The following EPM2A variants were observed in gnomAD, a reference collection of about 807,000 sequenced individuals.
EPM2A encodes EPM2A glucan phosphatase, laforin.
A neutral mutation model predicts 26.5 loss-of-function variants in EPM2A; 21 were observed. The ratio of observed to expected loss-of-function variants is 0.79; its 90% confidence interval spans 0.56 to 1.14. The LOEUF is 1.14. Ranked by LOEUF, EPM2A falls within the 50% of genes most tolerant of loss-of-function variation. EPM2A has a pLI of 0.00. For synonymous variants in EPM2A, 217 were observed against 177.6 expected, an observed-to-expected ratio of 1.22 and a Z score of -1.76; for missense variants, 458 against 440.8, an observed-to-expected ratio of 1.04 and a Z score of -0.35.
chr6:145,438,049 A>G (rs1779011384), intron 4 of EPM2A, among the ~76,000 whole-genome samples: 1 of 152,202 alleles, frequency 6.6e-6, no homozygotes, highest in African/African-American at 2.4e-5. Flanking sequence ...CCTGAGAGAT[A>G]CATTGTTAAC....
downstream of EPM2A, among the ~76,000 whole-genome samples, chr6:145,498,990 T>C (rs1779855850): frequency 6.6e-6 from 1 of 152,218 alleles, no homozygotes; most frequent in Non-Finnish European, 1.5e-5. Flanking sequence ...TCCAATCTTT[T>C]CTTAGACAGA....
chr6:145,649,995 G>C (rs1039120046), intron 2 of EPM2A, among the ~76,000 whole-genome samples: 1 of 152,134 alleles, frequency 6.6e-6, no homozygotes, highest in Non-Finnish European at 1.5e-5. Flanking sequence ...TGCCTGTAGG[G>C]AGAAAAGAAA....
rs139551799 is a variant in EPM2A, at chr6:145,581,523, G to A, written c.340+53722C>T. Among the ~76,000 whole-genome samples, 979 of 152,080 alleles carry A rather than the reference G, an allele frequency of 6.4e-3. 6 individuals carry two copies. The highest frequency in any genetic ancestry group is 0.017 in the Middle Eastern group (5 of 294). ...AATTAGGTCTAATTTGTCAATTTTTGTTTATTTTGCAATTGTTTTTGGCAT... is the reference window on the plus strand; with the variant it reads ...AATTAGGTCTAATTTGTCAATTTTTATTTATTTTGCAATTGTTTTTGGCAT... On this transcript the variant is annotated intron_variant, in intron 2 of 3. Coordinates refer to the EPM2A transcript ENST00000450221.
chr6:145,677,772 TA>T (rs1042446924), intron 2 of EPM2A, among the ~76,000 whole-genome samples: 2 of 151,926 alleles, frequency 1.3e-5, no homozygotes, highest in African/African-American at 4.8e-5. Flanking sequence ...CTCAACAAAA[TA>T]AAAGGGGACA....
At chr6:145,445,622 G>C (rs1166136363) in intron 4 of EPM2A, among the ~76,000 whole-genome samples, 2 of 152,030 alleles carry the variant, frequency 1.3e-5, no homozygotes, top group African/African-American at 4.8e-5. Flanking sequence ...GCTAGCCTTT[G>C]GTTAATTTAC....
intron 4 of EPM2A, among the ~76,000 whole-genome samples, chr6:145,471,595 G>A (rs768080094): frequency 1.3e-5 from 2 of 152,160 alleles, no homozygotes; most frequent in Non-Finnish European, 2.9e-5. Context: ...AGCATGGTGT[G>A]AAGAGCCTCT....
intron 2 of EPM2A, among the ~76,000 whole-genome samples, chr6:145,647,700 A>AAAGGGG (rs201085299): frequency 1.0e-3 from 158 of 151,948 alleles, no homozygotes; most frequent in African/African-American, 2.8e-3. Context: ...AGGGAAAGGG[A>AAAGGGG]AAGGGGAAGG....
chr6:145,598,421 G>T (rs552469915), intron 2 of EPM2A, among the ~76,000 whole-genome samples: 2 of 151,936 alleles, frequency 1.3e-5, no homozygotes, highest in South Asian at 2.1e-4. Flanking sequence ...TAATGGGGTA[G>T]GTTGTTTTTC....
chr6:145,653,783 G>C (rs1211681584), intron 2 of EPM2A, among the ~76,000 whole-genome samples: 1 of 152,150 alleles, frequency 6.6e-6, no homozygotes, highest in East Asian at 1.9e-4. Flanking sequence ...ATTGAGTGAA[G>C]CCCACTCACA....
In EPM2A at chr6:145,627,106, T is replaced by C. The variant is rs1453476384; in HGVS notation, c.*310A>G. 7.8e-7 allele frequency: 1 copy of C among 1,282,432 alleles called. No individual in the cohort carries two copies. The highest frequency in any genetic ancestry group is 1.0e-6 in the Non-Finnish European group (1 of 1,004,266). 79.4% of individuals were successfully genotyped at this position (1,282,432 alleles called of 1,614,324 possible). The stretch of plus-strand genomic sequence containing the variant: ...CGGATCCATCGTGCAACACATACAG[T>C]GCTGTAAAGCAAAGGCCTCGTCTGC... On this transcript the variant is annotated 3_prime_UTR_variant, in exon 4 of 4. Transcript: ENST00000367519.
At chr6:145,692,910 T>A (rs1333608305) in intron 1 of EPM2A, among the ~76,000 whole-genome samples, 1 of 152,098 alleles carries the variant, frequency 6.6e-6, no homozygotes, top group African/African-American at 2.4e-5. Context: ...TCTTTTTTGA[T>A]TCCATATGAA....
At chr6:145,688,658 G>C (rs1781087131) in intron 1 of EPM2A, among the ~76,000 whole-genome samples, 1 of 152,258 alleles carries the variant, frequency 6.6e-6, no homozygotes, top group East Asian at 1.9e-4. Flanking sequence ...TAGGAACATA[G>C]ATGAGTCACA....
chr6:145,422,070 T>TAG (rs1393372779), intron 4 of EPM2A, among the ~76,000 whole-genome samples: 39 of 126,156 alleles, frequency 3.1e-4, no homozygotes, highest in Admixed American at 2.0e-3. Flanking sequence ...TATATATATA[T>TAG]ATATATAGAG....
chr6:145,582,083 T>C lies in EPM2A; in HGVS notation c.340+53162A>G, dbSNP rs141229204. Reference sequence around the variant, plus strand: ...TTTCTTATGTGGGTGTTTGGTGCTATAAACTTTCCTCTTCACATTGCTTTT... The same window carrying C: ...TTTCTTATGTGGGTGTTTGGTGCTACAAACTTTCCTCTTCACATTGCTTTT... On this transcript the variant is annotated intron_variant, in intron 2 of 3. Coordinates refer to the EPM2A transcript ENST00000450221. Among the ~76,000 whole-genome samples, 249 of 152,344 alleles carry C rather than the reference T, an allele frequency of 1.6e-3. 2 individuals are homozygous for C. Among genetic ancestry groups the C allele is most frequent in the African/African-American group, 5.7e-3 (239 of 41,574 alleles).
chr6:145,477,824 A>T (rs1178039430), intron 4 of EPM2A, among the ~76,000 whole-genome samples: 1 of 151,902 alleles, frequency 6.6e-6, no homozygotes, highest in Non-Finnish European at 1.5e-5. Flanking sequence ...AGCTAATATT[A>T]TACTGAATGG....
Position 145,508,231 on chromosome 6 carries a change from T to C in EPM2A, c.341-5656A>G, listed in dbSNP as rs371492504. 3.3e-5 allele frequency among the ~76,000 whole-genome samples: 5 copies of C among 152,318 alleles called. No individual in the cohort carries two copies. In the South Asian group the frequency reaches 1.0e-3, roughly 32 times the overall value. On this transcript the variant is annotated intron_variant, in intron 2 of 3. Coordinates refer to the EPM2A transcript ENST00000450221. ...GGAGTGTGGACTGACAGAGGCCACTTCCTGGGCTTCTCCATTGGCTCTACC... is the reference window on the plus strand; with the variant it reads ...GGAGTGTGGACTGACAGAGGCCACTCCCTGGGCTTCTCCATTGGCTCTACC...
intron 1 of EPM2A, among the ~76,000 whole-genome samples, chr6:145,726,391 T>G (rs1776208005): frequency 6.6e-6 from 1 of 152,146 alleles, no homozygotes; most frequent in Non-Finnish European, 1.5e-5. Context: ...AAAATTAATG[T>G]AGATATTCTG....
intron 4 of EPM2A, among the ~76,000 whole-genome samples, chr6:145,397,997 A>G (rs1423972016): frequency 6.6e-6 from 1 of 152,132 alleles, no homozygotes; most frequent in Non-Finnish European, 1.5e-5. Context: ...AGGAATTTTC[A>G]CAGTTATCAT....
At chr6:145,589,935 T>A (rs987183848) in intron 2 of EPM2A, among the ~76,000 whole-genome samples, 4 of 148,112 alleles carry the variant, frequency 2.7e-5, no homozygotes, top group Non-Finnish European at 4.5e-5. Flanking sequence ...ATCCTTAAGA[T>A]AAGAATTTTT....
Sources: gnomAD v4.1 joint callset for allele counts (sites outside exome capture counted in the v4.1 genomes callset) on GRCh38, gnomAD v4.1.1 for gene constraint, MANE v1.5 for transcripts, NCBI Gene and HGNC (gene_info 2026-07-23, HGNC 2026-07-21) for gene names.